The following SNX29 variants were observed in gnomAD, a reference collection of about 807,000 sequenced individuals.
SNX29 encodes sorting nexin-29.
A neutral mutation model predicts 102.1 loss-of-function variants in SNX29; 78 were observed. The ratio of observed to expected loss-of-function variants is 0.76; its 90% confidence interval spans 0.64 to 0.92. The LOEUF (loss-of-function observed/expected upper bound fraction) is 0.92. Ranked by LOEUF, SNX29 falls within the 40% of genes least tolerant of loss-of-function variation. The pLI is 0.00. For synonymous variants in SNX29, 580 were observed against 414.5 expected, an observed-to-expected ratio of 1.40 and a Z score of -4.85; for missense variants, 1,280 against 1,061.7, an observed-to-expected ratio of 1.21 and a Z score of -2.86.
chr16:12,474,460 C>T (rs749505320), intron 18 of SNX29, among the ~76,000 whole-genome samples: 47 of 152,000 alleles, frequency 3.1e-4, no homozygotes, highest in African/African-American at 9.6e-4. Context: ...ATGTGTGTTC[C>T]GGGGAGAGGC....
intron 15 of SNX29, among the ~76,000 whole-genome samples, chr16:12,328,011 C>T (rs2081173079): frequency 6.6e-6 from 1 of 152,172 alleles, no homozygotes; most frequent in Non-Finnish European, 1.5e-5. Context: ...TGAGCAGTGT[C>T]ACAAAGTCAG....
At position 12,275,901 on chromosome 16, in the gene SNX29, T is replaced by G. The variant is rs920543726; in HGVS notation, c.1679-2032T>G. Reference sequence around the variant, plus strand: ...TAATTGTTTTTTTTTTTTTTTTTTTTTGGGGGGCGTGGTCAGAGTCTTGCT... The same window carrying G: ...TAATTGTTTTTTTTTTTTTTTTTTTGTGGGGGGCGTGGTCAGAGTCTTGCT... On this transcript the variant is annotated intron_variant, in intron 14 of 20. Coordinates refer to ENST00000566228, the MANE Select transcript of SNX29 (RefSeq NM_032167.5). Among the ~76,000 whole-genome samples, 13 of 102,964 alleles carry G rather than the reference T, an allele frequency of 1.3e-4. No individual in the cohort carries two copies. In the East Asian group the frequency reaches 3.2e-3, roughly 26 times the overall value. 67.5% of individuals were successfully genotyped at this position (102,964 alleles called of 152,430 possible).
At chr16:12,300,710 G>C (rs1054362622) in intron 15 of SNX29, among the ~76,000 whole-genome samples, 7 of 152,156 alleles carry the variant, frequency 4.6e-5, no homozygotes, top group Non-Finnish European at 8.8e-5. Flanking sequence ...AGCGGCCGTC[G>C]TGACATCTCC....
intron 20 of SNX29, among the ~76,000 whole-genome samples, chr16:12,563,750 C>G (rs555448308): frequency 5.9e-5 from 9 of 152,336 alleles, no homozygotes; most frequent in Admixed American, 5.9e-4. Context: ...TACCCAACAG[C>G]CACAACTTCT....
intron 13 of SNX29, among the ~76,000 whole-genome samples, chr16:12,196,627 T>TC (rs543704359): frequency 2.0e-3 from 298 of 147,966 alleles, no homozygotes; most frequent in Non-Finnish European, 3.6e-3. Context: ...TTTTTCTTTT[T>TC]TTTTTTTTTT....
chr16:12,231,232 T>A, intron 14 of SNX29, among the ~76,000 whole-genome samples: 1 of 152,208 alleles, frequency 6.6e-6, no homozygotes, highest in Non-Finnish European at 1.5e-5. Flanking sequence ...TAAAGGTCCC[T>A]GGATTGGGTT....
At chr16:12,556,399 C>G (rs1426991606) in intron 20 of SNX29, 1 of 152,240 alleles carries the variant, frequency 6.6e-6, no homozygotes, top group African/African-American at 2.4e-5. Flanking sequence ...CAATATAGTA[C>G]AGAAGATGAC....
intron 4 of SNX29, among the ~76,000 whole-genome samples, chr16:12,036,990 C>A (rs2057494441): frequency 6.6e-6 from 1 of 152,092 alleles, no homozygotes; most frequent in Non-Finnish European, 1.5e-5. Flanking sequence ...CATCTGTCGT[C>A]CCTCACCACC....
At chr16:12,075,597 C>G (rs200107668) in intron 10 of SNX29, among the ~76,000 whole-genome samples, 5 of 152,232 alleles carry the variant, frequency 3.3e-5, no homozygotes, top group Non-Finnish European at 4.4e-5. Flanking sequence ...CCGAGTTAGG[C>G]TGCTCAGGGG....
chr16:12,040,099 C>G (rs991667328), intron 4 of SNX29, among the ~76,000 whole-genome samples: 2 of 152,122 alleles, frequency 1.3e-5, no homozygotes, highest in Non-Finnish European at 2.9e-5. Flanking sequence ...CATGGTGGCT[C>G]CCGACTGTAA....
intron 15 of SNX29, among the ~76,000 whole-genome samples, chr16:12,292,691 G>T (rs989687639): frequency 6.6e-6 from 1 of 152,174 alleles, no homozygotes; most frequent in Non-Finnish European, 1.5e-5. Flanking sequence ...CAGGTGCCCC[G>T]CCATTTTAGA....
intron 18 of SNX29, among the ~76,000 whole-genome samples, chr16:12,422,468 C>T (rs910381202): frequency 2.6e-5 from 4 of 152,196 alleles, no homozygotes; most frequent in Admixed American, 2.6e-4. Context: ...TAGCAAGTAA[C>T]TTCTTCCAAA....
chr16:12,328,467 A>G (rs563303711), intron 15 of SNX29, among the ~76,000 whole-genome samples: 1 of 152,292 alleles, frequency 6.6e-6, no homozygotes, highest in Non-Finnish European at 1.5e-5. Context: ...TCTTAGAAGC[A>G]CAGGCTATGA....
chr16:12,391,942 G>A (rs993174450), intron 16 of SNX29, among the ~76,000 whole-genome samples: 1 of 152,222 alleles, frequency 6.6e-6, no homozygotes, highest in Non-Finnish European at 1.5e-5. Flanking sequence ...TCTACAAGGT[G>A]TAAAGTTTTA....
chr16:12,195,850 A>G (rs750971895), intron 13 of SNX29, among the ~76,000 whole-genome samples: 4 of 152,138 alleles, frequency 2.6e-5, no homozygotes, highest in Non-Finnish European at 4.4e-5. Context: ...CTGGTGGTCT[A>G]ATGAGACACC....
At chr16:12,076,837 C>G (rs2051597707) in intron 10 of SNX29, among the ~76,000 whole-genome samples, 2 of 152,172 alleles carry the variant, frequency 1.3e-5, no homozygotes, top group Admixed American at 6.5e-5. Flanking sequence ...TATTAGATGC[C>G]ATGGTCTTAC....
intron 20 of SNX29, among the ~76,000 whole-genome samples, chr16:12,543,985 C>G (rs1045530722): frequency 2.0e-5 from 3 of 152,210 alleles, no homozygotes; most frequent in Non-Finnish European, 4.4e-5. Context: ...CAGCCAAGGT[C>G]ACACCATGGG....
At chr16:12,043,496 A>C (rs2049968399) in intron 5 of SNX29, among the ~76,000 whole-genome samples, 1 of 151,956 alleles carries the variant, frequency 6.6e-6, no homozygotes, top group Admixed American at 6.6e-5. Context: ...CTAGGACCCT[A>C]AGCGTACGCC....
rs1298677723 is a variant in SNX29, at chr16:12,013,501, ATATATATATATATAT to A, written c.122+10459_122+10473del. Among the ~76,000 whole-genome samples, 59 of 40,894 alleles carry A rather than the reference ATATATATATATATAT, an allele frequency of 1.4e-3. 4 individuals carry two copies. Among genetic ancestry groups the A allele is most frequent in the South Asian group, 5.6e-3 (6 of 1,078 alleles). The allele number at this position is 40,894 out of a possible 152,430, so 26.8% of individuals were successfully genotyped here. On this transcript the variant is annotated intron_variant, in intron 3 of 20. Transcript: ENST00000566228. ...TCTCTACTGGGGGAAAAAAAAAAAAATATATATATATATATATATATATATATATATATATATATA... is the reference window on the plus strand; with the variant it reads ...TCTCTACTGGGGGAAAAAAAAAAAAAATATATATATATATATATATATATA...
Sources: gnomAD v4.1 joint callset for allele counts (sites outside exome capture counted in the v4.1 genomes callset) on GRCh38, gnomAD v4.1.1 for gene constraint, MANE v1.5 for transcripts, NCBI Gene and HGNC (gene_info 2026-07-23, HGNC 2026-07-21) for gene names.